The following RAB36 variants were observed in gnomAD, a reference collection of about 807,000 sequenced individuals.
RAB36 encodes the protein ras-related protein Rab-36.
Under a neutral mutation model 39.3 loss-of-function variants are expected in RAB36, and 33 were observed. The observed-to-expected ratio is 0.84, with a 90% CI of 0.64 to 1.12. RAB36 has a LOEUF of 1.12. Among genes scored for constraint, RAB36 ranks in the 50% most tolerant of loss-of-function variants. The pLI, the probability that RAB36 is intolerant of heterozygous loss-of-function variation, is 0.00. For synonymous variants in RAB36, 133 were observed against 140.2 expected (o/e 0.95, Z 0.36); for missense variants, 308 against 355.3 (o/e 0.87, Z 1.07).
Position 23,162,390 on chromosome 22 carries a change from C to A in RAB36, c.*826C>A. 5 of 345,112 alleles carry A rather than the reference C, an allele frequency of 1.4e-5. No individual in the cohort carries two copies. The highest frequency in any genetic ancestry group is 1.1e-4 in the South Asian group (5 of 45,172). The allele number at this position is 345,112 out of a possible 1,614,324, so 21.4% of individuals were successfully genotyped here. A position where few individuals can be genotyped will look rare whatever the true frequency, so the allele number is the denominator to read the frequency against. Reference sequence around the variant, plus strand: ...GGTAACTCACTCTGCAGCCCTTGAACATGGCACTGCCCTCCTCTGGCACTC... The same window carrying A: ...GGTAACTCACTCTGCAGCCCTTGAAAATGGCACTGCCCTCCTCTGGCACTC... On this transcript the variant is annotated 3_prime_UTR_variant, in exon 11 of 11. Transcript: ENST00000263116.
rs912071313 is a variant in RAB36, at chr22:23,152,537, T to A, written c.227+11T>A. 1.2e-6 allele frequency: 2 copies of A among 1,613,818 alleles called. No individual in the cohort carries two copies. The highest frequency in any genetic ancestry group is 1.7e-6 in the Non-Finnish European group (2 of 1,179,726). ...CAGCCTCATCCACAGGTACAAGGCT[T>A]CCTCTGCCCCTTTGGCCACCTCCCC... On this transcript the variant is annotated intron_variant, in intron 4 of 10. Coordinates refer to ENST00000263116, the MANE Select transcript of RAB36 (RefSeq NM_004914.5).
chr22:23,167,914 G>A (rs1038178469), downstream of RAB36, among the ~76,000 whole-genome samples: 7 of 152,060 alleles, frequency 4.6e-5, no homozygotes, highest in African/African-American at 1.2e-4. Flanking sequence ...GTGCAATGGC[G>A]TGATCATAGC....
At chr22:23,154,824 T>C (rs2071365573) in intron 5 of RAB36, among the ~76,000 whole-genome samples, 1 of 152,200 alleles carries the variant, frequency 6.6e-6, no homozygotes, top group Non-Finnish European at 1.5e-5. Flanking sequence ...ACTGGATCAC[T>C]TGAAAAAAAT....
At chr22:23,153,758 G>T (rs986137081) in intron 5 of RAB36, among the ~76,000 whole-genome samples, 1 of 147,702 alleles carries the variant, frequency 6.8e-6, no homozygotes, top group African/African-American at 2.5e-5. Flanking sequence ...GTGCAGTGGC[G>T]CAATCTCAGC....
downstream of RAB36, among the ~76,000 whole-genome samples, chr22:23,166,704 C>T (rs1023856053): frequency 1.3e-5 from 2 of 152,156 alleles, no homozygotes; most frequent in African/African-American, 4.8e-5. Context: ...TCTCACAGTG[C>T]AGCCTCACAC....
chr22:23,153,663 C>A, intron 5 of RAB36: 1 of 980,744 alleles, frequency 1.0e-6, no homozygotes. Context: ...CACTCCCTCT[C>A]CCCAGCCTCA....
At chr22:23,152,637 G>A in intron 4 of RAB36, 111 bp downstream of exon 4, 2 of 1,072,414 alleles carry the variant, frequency 1.9e-6, no homozygotes, top group South Asian at 1.3e-5. Flanking sequence ...TGGCTTCCAG[G>A]AACTGCTGTG....
intron 10 of RAB36, 108 bp from the exon 11 acceptor site, chr22:23,161,392 G>A: frequency 2.0e-6 from 2 of 1,023,478 alleles, no homozygotes; most frequent in Non-Finnish European, 1.5e-6. Context: ...TGAACAGCAG[G>A]CCCAGAAGCT....
chr22:23,147,901 T>G (rs759665775), intron 2 of RAB36, among the ~76,000 whole-genome samples: 3 of 152,130 alleles, frequency 2.0e-5, no homozygotes, highest in African/African-American at 7.2e-5. Context: ...CAGTAGAGTG[T>G]GTGCAGCACA....
At chr22:23,154,384 C>T (rs1230196284) in intron 5 of RAB36, among the ~76,000 whole-genome samples, 1 of 152,226 alleles carries the variant, frequency 6.6e-6, no homozygotes, top group African/African-American at 2.4e-5. Flanking sequence ...GATAGTGCCC[C>T]CTTCTCTCAG....
At chr22:23,168,496 CCA>C (rs113522216), downstream of RAB36, among the ~76,000 whole-genome samples, 25,262 of 151,712 alleles carry the variant, frequency 0.17, 2,266 homozygotes, top group African/African-American at 0.23. Context: ...CCGCTCCCCG[CCA>C]CACACACACA....
chr22:23,150,698 T>G (rs2071066747), intron 3 of RAB36, among the ~76,000 whole-genome samples: 1 of 152,154 alleles, frequency 6.6e-6, no homozygotes, highest in African/African-American at 2.4e-5. Context: ...CAGCCTCAGG[T>G]CTTGGTACAA....
chr22:23,159,305 C>A, intron 9 of RAB36, 52 bp downstream of exon 9: 1 of 1,506,010 alleles, frequency 6.6e-7, no homozygotes, highest in Non-Finnish European at 9.0e-7. Flanking sequence ...GCTCTTGGGC[C>A]AGTCCTGTGG....
At chr22:23,153,976 A>T (rs1248348464) in intron 5 of RAB36, among the ~76,000 whole-genome samples, 1 of 151,984 alleles carries the variant, frequency 6.6e-6, no homozygotes, top group Non-Finnish European at 1.5e-5. Context: ...GGTGTGAGCC[A>T]CCGTACCCGG....
intron 5 of RAB36, 67 bp from the exon 6 acceptor site, chr22:23,155,901 G>T: frequency 6.9e-7 from 1 of 1,449,224 alleles, no homozygotes; most frequent in Non-Finnish European, 9.3e-7. Context: ...CCCGTAGCCT[G>T]TTGGCTCAAG....
At chr22:23,155,818 C>T in intron 5 of RAB36, 150 bp from the exon 6 acceptor site, 1 of 617,270 alleles carries the variant, frequency 1.6e-6, no homozygotes, top group Non-Finnish European at 2.7e-6. Context: ...GGGGTAGGGA[C>T]ATCTGGCTCA....
intron 8 of RAB36, 77 bp from the exon 9 acceptor site, chr22:23,159,086 G>A: frequency 6.3e-7 from 1 of 1,582,868 alleles, no homozygotes; most frequent in Non-Finnish European, 8.6e-7. Context: ...ACAGTGGGAA[G>A]CAGGCAGCTG....
rs144940818 is a variant in RAB36 at position 23,159,648 on chromosome 22, AAC to A, written c.619+400_619+401del. Among the ~76,000 whole-genome samples the A allele has an allele frequency of 9.8e-3, 1,494 of 152,310 alleles. 29 individuals carry two copies. The highest frequency in any genetic ancestry group is 0.035 in the African/African-American group (1,436 of 41,562). ...CACAGGGTGGCAGGGCCAGGATCCA[AAC>A]ACACCCTCACCTGTAACCACTGCAC... On this transcript the variant is annotated intron_variant, in intron 9 of 10. Transcript: ENST00000263116.
chr22:23,148,913 T>C (rs2070952038), intron 2 of RAB36, among the ~76,000 whole-genome samples: 1 of 152,226 alleles, frequency 6.6e-6, no homozygotes. Context: ...GCTAAGCTGC[T>C]CACCTGCATT....
Sources: gnomAD v4.1 joint callset for allele counts (sites outside exome capture counted in the v4.1 genomes callset) on GRCh38, gnomAD v4.1.1 for gene constraint, MANE v1.5 for transcripts, NCBI Gene and HGNC (gene_info 2026-07-23, HGNC 2026-07-21) for gene names.